Variants in NRCAM observed in about 807,000 individuals in gnomAD.
NRCAM encodes NgCAM-related cell adhesion molecule.
Under a neutral mutation model 156.5 loss-of-function variants are expected in NRCAM, and 83 were observed. The ratio of observed to expected loss-of-function variants is 0.53; its 90% CI spans 0.44 to 0.64. NRCAM has a LOEUF of 0.64. Ranked by LOEUF, NRCAM falls within the 30% of genes least tolerant of loss-of-function variation. The pLI is 0.00. For synonymous variants in NRCAM, 538 were observed against 563.9 expected, an observed-to-expected ratio of 0.95 and a Z score of 0.65; for missense variants, 1,417 against 1,597.3, an observed-to-expected ratio of 0.89 and a Z score of 1.92.
Position 108,181,932 on chromosome 7 carries a change from T to G in NRCAM, c.2536A>C (p.Met846Leu). The stretch of plus-strand genomic sequence containing the variant: ...ACACGCACGTTCCCAGGAGCCACCA[T>G]TGGGACTAGGAAAAGGACAGGGAAG... ...VMGHSGEDLP[M>L]VAPGNVRVNV... is the part of the protein sequence containing the mutation. Residue 846 changes from methionine to leucine, a missense_variant, in exon 24 of 33, where the codon ATG (methionine) becomes CTG (leucine). Around this residue, in one of 2 missense-constraint regions of NRCAM, gnomAD observed 1,238 missense variants for 1,336.4 expected, o/e 0.93. Coordinates refer to ENST00000379028, the MANE Select transcript of NRCAM (RefSeq NM_001037132.4). 1 of 1,611,482 alleles carries G rather than the reference T, an allele frequency of 6.2e-7. No individual in the cohort carries two copies. The highest frequency in any genetic ancestry group is 8.5e-7 in the Non-Finnish European group (1 of 1,177,710).
chr7:108,382,131 AT>A (rs2099704223), intron 2 of NRCAM, among the ~76,000 whole-genome samples: 1 of 152,108 alleles, frequency 6.6e-6, no homozygotes, highest in African/African-American at 2.4e-5. Context: ...GTAACTTCAA[AT>A]TGTGTGGTGC....
rs7790875 is a variant in NRCAM at position 108,442,782 on chromosome 7, G to T, written c.-332+13461C>A. Among the ~76,000 whole-genome samples, 482 of 152,170 alleles carry T rather than the reference G, an allele frequency of 3.2e-3. 2 individuals are homozygous for T. The highest frequency in any genetic ancestry group is 5.3e-3 in the Non-Finnish European group (363 of 67,990). On this transcript the variant is annotated intron_variant, in intron 1 of 32. Transcript: ENST00000379028. Reference sequence around the variant, plus strand: ...TTAAAAGATCTAAAGAGCTCATACTGAAACAGTGATATTCAGATACAAACT... The same window carrying T: ...TTAAAAGATCTAAAGAGCTCATACTTAAACAGTGATATTCAGATACAAACT...
chr7:108,286,480 G>GA (rs1011313483), intron 3 of NRCAM, among the ~76,000 whole-genome samples: 2 of 150,906 alleles, frequency 1.3e-5, no homozygotes, highest in Non-Finnish European at 3.0e-5. Context: ...GAAGAAAGCG[G>GA]AAAAAAAAGG....
intron 1 of NRCAM, among the ~76,000 whole-genome samples, chr7:108,411,996 C>T (rs886602809): frequency 6.6e-6 from 1 of 152,002 alleles, no homozygotes. Context: ...TACACAGATC[C>T]CCCAAAATGG....
In NRCAM at chr7:108,234,585, T is replaced by C; in HGVS notation, c.228A>G (p.Pro76=). 2 of 1,583,420 alleles carry C rather than the reference T, an allele frequency of 1.3e-6. No homozygotes were observed. Among genetic ancestry groups the C allele is most frequent in the Admixed American group, 1.7e-5 (1 of 59,796 alleles). ...AACAAAGCAGAATGCACACTCACCT[T>C]GGGGGCGGTTTCCCTTTGGCTTCAC... The part of the protein sequence containing the change: ...IQCEAKGKPP[P]SFSWTRNGTH... The change falls in exon 6 of 33, where the codon CCA becomes CCG. Residue 76 remains proline (P), a splice_region_variant and synonymous_variant. Transcript: ENST00000379028.
Position 108,368,223 on chromosome 7 carries a change from T to TCC in NRCAM, c.-174+31212_-174+31213insGG, listed in dbSNP as rs567741253. On this transcript the variant is annotated intron_variant, in intron 2 of 32. Transcript: ENST00000379028. The stretch of plus-strand genomic sequence containing the variant: ...TCAGCCACGTGGAATCACACTTTCA[T>TCC]ACCCCCCCCCACCCCCCCGCCTGCT... Among the ~76,000 whole-genome samples, 87 of 35,118 alleles carry TCC rather than the reference T, an allele frequency of 2.5e-3. No individual in the cohort carries two copies. The East Asian group carries it at 0.033, about 13-fold the overall frequency. The allele number at this position is 35,118 out of a possible 152,430, so 23.0% of individuals were successfully genotyped here. A position where few individuals can be genotyped will look rare whatever the true frequency, so the allele number is the denominator to read the frequency against.
At chr7:108,358,173 C>A (rs556273343) in intron 2 of NRCAM, among the ~76,000 whole-genome samples, 33 of 144,948 alleles carry the variant, frequency 2.3e-4, no homozygotes, top group South Asian at 2.2e-3. Flanking sequence ...TGTGAGAGGC[C>A]AAGGCAGGAG....
At chr7:108,200,727 G>C (rs2077478986) in intron 13 of NRCAM, among the ~76,000 whole-genome samples, 2 of 134,140 alleles carry the variant, frequency 1.5e-5, no homozygotes, top group Admixed American at 8.3e-5. Context: ...TCAATGAGTG[G>C]ATAAAGAAAT....
At chr7:108,423,701 T>C (rs988615671) in intron 1 of NRCAM, among the ~76,000 whole-genome samples, 10 of 152,210 alleles carry the variant, frequency 6.6e-5, no homozygotes, top group African/African-American at 2.4e-4. Flanking sequence ...TAAAACATAT[T>C]ACACTTCATG....
intron 11 of NRCAM, among the ~76,000 whole-genome samples, chr7:108,210,248 G>GTTTTTT (rs1420152007): frequency 1.1e-5 from 1 of 88,366 alleles, no homozygotes; most frequent in Non-Finnish European, 2.8e-5. Context: ...CCAATGTTTT[G>GTTTTTT]TTTTGTTTTT....
chr7:108,267,805 CA>C (rs1409005043), intron 3 of NRCAM, among the ~76,000 whole-genome samples: 1 of 152,202 alleles, frequency 6.6e-6, no homozygotes, highest in African/African-American at 2.4e-5. Context: ...TAAAATAGGA[CA>C]AAAAACCCAT....
chr7:108,285,069 A>G (rs761679602), intron 3 of NRCAM, among the ~76,000 whole-genome samples: 3 of 152,226 alleles, frequency 2.0e-5, no homozygotes, highest in Non-Finnish European at 4.4e-5. Flanking sequence ...CACCAATGCA[A>G]TTGATGGACA....
intron 3 of NRCAM, among the ~76,000 whole-genome samples, chr7:108,277,238 T>C (rs187076980): frequency 3.2e-4 from 48 of 152,272 alleles, no homozygotes; most frequent in African/African-American, 1.1e-3. Context: ...TCGAGGTGTA[T>C]CTTTGTGGTG....
intron 6 of NRCAM, among the ~76,000 whole-genome samples, chr7:108,233,998 T>C (rs1042286914): frequency 6.6e-6 from 1 of 152,208 alleles, no homozygotes; most frequent in African/African-American, 2.4e-5. Context: ...TCTAAAATGC[T>C]ATGCAAGATC....
chr7:108,187,825 G>C (rs6959831), intron 20 of NRCAM, among the ~76,000 whole-genome samples: 106,786 of 151,354 alleles, frequency 0.71, 38,931 homozygotes, highest in East Asian at 0.96. Flanking sequence ...TGTGGTGGCG[G>C]GCGCCTGTAG....
chr7:108,267,962 T>A (rs1378741016), intron 3 of NRCAM, among the ~76,000 whole-genome samples: 1 of 152,234 alleles, frequency 6.6e-6, no homozygotes, highest in Non-Finnish European at 1.5e-5. Flanking sequence ...TCCTGCTATC[T>A]CACACAGCTA....
intron 13 of NRCAM, among the ~76,000 whole-genome samples, chr7:108,200,422 C>T (rs981572712): frequency 4.6e-5 from 7 of 152,260 alleles, no homozygotes; most frequent in Admixed American, 3.9e-4. Context: ...CCTGAAAACA[C>T]AGTGTACCTT....
intron 1 of NRCAM, among the ~76,000 whole-genome samples, chr7:108,408,976 T>C (rs1791912495): frequency 6.6e-6 from 1 of 152,072 alleles, no homozygotes; most frequent in African/African-American, 2.4e-5. Flanking sequence ...ATTAGGTGAA[T>C]GGAGCCCTTA....
intron 8 of NRCAM, among the ~76,000 whole-genome samples, 175 bp from the exon 9 acceptor site, chr7:108,226,553 AAC>A (rs1220025010): frequency 1.3e-5 from 2 of 151,648 alleles, no homozygotes; most frequent in African/African-American, 4.8e-5. Context: ...AAAAATACGT[AAC>A]ACACTAAAAC....
Sources: allele counts gnomAD v4.1 joint callset (sites outside exome capture counted in the v4.1 genomes callset), GRCh38; gene constraint gnomAD v4.1.1; regional missense constraint gnomAD v4.1.1; transcripts MANE v1.5; gene names NCBI Gene and HGNC (gene_info 2026-07-23, HGNC 2026-07-21).